Variants in FAM90A20 observed in about 807,000 individuals in gnomAD.
FAM90A20 encodes family with sequence similarity 90 member A20, also known as protein FAM90A20.
At chr8:7,295,490 G>A in the FAM90A20 span, 3 of 512,462 alleles carry the variant, frequency 5.9e-6, no homozygotes, top group Non-Finnish European at 1.0e-5. Flanking sequence ...AACTCTCCCA[G>A]CACTTAACGG....
At chr8:7,296,831 T>C in the FAM90A20 span, among the ~76,000 whole-genome samples, 1 of 136,490 alleles carries the variant, frequency 7.3e-6, no homozygotes, top group Non-Finnish European at 1.5e-5. Context: ...AGACGCAATC[T>C]TTTGAACAAT....
the FAM90A20 span, chr8:7,297,620 C>T: frequency 2.0e-5 from 28 of 1,425,418 alleles, 1 homozygote; most frequent in African/African-American, 4.2e-5. Context: ...CCCGGAGAAT[C>T]TCCAACCTCC....
chr8:7,296,542 C>A, the FAM90A20 span: 6 of 610,868 alleles, frequency 9.8e-6, no homozygotes, highest in South Asian at 1.0e-4. Context: ...CCTTGCAGGT[C>A]AGTTTGATTC....
the FAM90A20 span, chr8:7,297,715 G>C: frequency 6.8e-7 from 1 of 1,480,308 alleles, no homozygotes; most frequent in Non-Finnish European, 9.1e-7. Flanking sequence ...TTGAACGGCA[G>C]CCTCCGCACC....
the FAM90A20 span, chr8:7,295,771 G>T: frequency 6.1e-5 from 79 of 1,303,662 alleles, 10 homozygotes; most frequent in Admixed American, 1.0e-4. Context: ...GGAAGCCTGG[G>T]GTTGAAGCCA....
At chr8:7,297,698 C>A in the FAM90A20 span, 2 of 1,421,834 alleles carry the variant, frequency 1.4e-6, no homozygotes, top group Admixed American at 1.7e-5. Flanking sequence ...GGCCCAGGTG[C>A]CCAGCGTTGA....
the FAM90A20 span, among the ~76,000 whole-genome samples, chr8:7,296,058 C>G: frequency 9.2e-5 from 12 of 129,974 alleles, 4 homozygotes; most frequent in African/African-American, 2.9e-4. Flanking sequence ...AGGTTCCCCA[C>G]GACAGGGGGA....
chr8:7,295,283 G>T, the FAM90A20 span: 1 of 170,018 alleles, frequency 5.9e-6, no homozygotes, highest in Non-Finnish European at 1.0e-5. Flanking sequence ...GGTGGGCGTG[G>T]CTTGGGACCT....
At chr8:7,295,817 G>A in the FAM90A20 span, 8 of 995,376 alleles carry the variant, frequency 8.0e-6, 1 homozygote, top group Non-Finnish European at 9.1e-6. Context: ...GGGAGAGAAG[G>A]AAGAGAGACC....
chr8:7,297,775 A>C, the FAM90A20 span: 1 of 1,445,778 alleles, frequency 6.9e-7, no homozygotes, highest in South Asian at 1.1e-5. Context: ...CCCATCACCC[A>C]GCGGCCAGCC....
At chr8:7,296,588 G>T in the FAM90A20 span, among the ~76,000 whole-genome samples, 89 of 135,468 alleles carry the variant, frequency 6.6e-4, 11 homozygotes, top group South Asian at 1.5e-3. Flanking sequence ...TATTTCCTGT[G>T]GCTTTCTTTC....
the FAM90A20 span, chr8:7,297,210 C>A: frequency 6.5e-7 from 1 of 1,531,596 alleles, no homozygotes; most frequent in South Asian, 1.1e-5. Context: ...CTGAGCTCCT[C>A]CTCAAGTCTT....
chr8:7,296,705 T>C, the FAM90A20 span, among the ~76,000 whole-genome samples: 1 of 135,556 alleles, frequency 7.4e-6, no homozygotes, highest in Non-Finnish European at 1.5e-5. Context: ...AACATGCATG[T>C]GTTCATAGAA....
the FAM90A20 span, chr8:7,297,541 C>G: frequency 6.6e-7 from 1 of 1,523,356 alleles, no homozygotes; most frequent in East Asian, 2.2e-5. Context: ...GCCTGAACTT[C>G]CCCAAGAAAC....
chr8:7,296,406 C>T, the FAM90A20 span: 4 of 740,778 alleles, frequency 5.4e-6, 1 homozygote, highest in South Asian at 1.4e-5. Flanking sequence ...GGGTGAGTGT[C>T]ACCCCGGGCC....
At chr8:7,296,682 G>T in the FAM90A20 span, among the ~76,000 whole-genome samples, 4 of 135,610 alleles carry the variant, frequency 2.9e-5, 2 homozygotes, top group Admixed American at 1.4e-4. Flanking sequence ...ACGTGGAGAA[G>T]GCTAAACCCA....
the FAM90A20 span, chr8:7,297,138 C>T: frequency 1.3e-6 from 2 of 1,524,320 alleles, no homozygotes; most frequent in South Asian, 2.2e-5. Context: ...GGTCGCTCAG[C>T]TACCGAAATG....
chr8:7,297,725 C>G, the FAM90A20 span: 1 of 1,494,032 alleles, frequency 6.7e-7, no homozygotes, highest in South Asian at 1.1e-5. Context: ...GCCTCCGCAC[C>G]GCAGACCTTG....
the FAM90A20 span, chr8:7,297,151 T>G: frequency 6.5e-7 from 1 of 1,528,636 alleles, no homozygotes. Context: ...CCGAAATGTC[T>G]GGCAGGGGCT....
Sources: gnomAD v4.1 joint callset for allele counts (sites outside exome capture counted in the v4.1 genomes callset) on GRCh38, gnomAD v4.1.1 for gene constraint, MANE v1.5 for transcripts, NCBI Gene and HGNC (gene_info 2026-07-23, HGNC 2026-07-21) for gene names.